CDC45: variants seen among roughly 807,000 people sequenced by gnomAD.
CDC45 encodes cell division cycle 45, also known as cell division control protein 45 homolog.
CDC45 carries 54 observed loss-of-function variants against 77.8 expected under a neutral mutation model. That is an observed-to-expected ratio of 0.69 (90% CI 0.56 to 0.87). The LOEUF (loss-of-function observed/expected upper bound fraction) is 0.87. CDC45 is among the 40% of genes least tolerant of loss of function. The pLI, the probability that CDC45 is intolerant of heterozygous loss-of-function variation, is 0.00. For synonymous variants in CDC45, 260 were observed against 272.1 expected, an observed-to-expected ratio of 0.96 and a Z score of 0.44; for missense variants, 649 against 721.6, an observed-to-expected ratio of 0.90 and a Z score of 1.15.
chr22:19,487,307 A>AG (rs1170668444), intron 5 of CDC45, among the ~76,000 whole-genome samples: 1 of 149,726 alleles, frequency 6.7e-6, no homozygotes, highest in East Asian at 2.0e-4. Context: ...AAAAAAAAAA[A>AG]AAAAGAAATA....
intron 8 of CDC45, among the ~76,000 whole-genome samples, chr22:19,498,878 C>T (rs888795852): frequency 6.6e-6 from 1 of 152,170 alleles, no homozygotes; most frequent in African/African-American, 2.4e-5. Flanking sequence ...CCTAAAGCTC[C>T]CACAGTGGCA....
chr22:19,516,646 G>A lies in CDC45; in HGVS notation c.1559+1G>A, dbSNP rs746826188. On this transcript the variant is annotated splice_donor_variant, in intron 16 of 18. Coordinates refer to ENST00000263201, the MANE Select transcript of CDC45 (RefSeq NM_003504.5). LOFTEE classifies it high-confidence loss of function. The stretch of plus-strand genomic sequence containing the variant: ...AGACCGACAGCTCGGACAGGAAGAA[G>A]TGAGCAGCTTCCACTCGTCCTGGGA... The A allele has an allele frequency of 7.4e-6, 12 of 1,611,332 alleles. No homozygotes were observed. Among genetic ancestry groups the A allele is most frequent in the Non-Finnish European group, 9.3e-6 (11 of 1,177,758 alleles).
intron 6 of CDC45, among the ~76,000 whole-genome samples, 197 bp from the exon 7 acceptor site, chr22:19,495,784 T>G (rs111738408): frequency 4.8e-4 from 73 of 152,276 alleles, no homozygotes; most frequent in African/African-American, 1.6e-3. Flanking sequence ...ATCACACCAC[T>G]GCACTTCAGC....
At chr22:19,510,887 T>G (rs1230635793) in intron 13 of CDC45, among the ~76,000 whole-genome samples, 1 of 152,238 alleles carries the variant, frequency 6.6e-6, no homozygotes, top group African/African-American at 2.4e-5. Flanking sequence ...CATTTATCCA[T>G]TCATAAGTTG....
rs8136840 is a variant in CDC45, at chr22:19,505,169, C to G, written c.705-193C>G. On this transcript the variant is annotated intron_variant, in intron 9 of 18. Coordinates refer to ENST00000263201, the MANE Select transcript of CDC45 (RefSeq NM_003504.5). ...GACAAGGCTAGAGACCACACCCCCC[C>G]GCTCCATCCAATCATGTTTTCCTGG... The G allele has an allele frequency of 0.42, 258,957 of 617,896 alleles. 58,726 individuals are homozygous for G. Among genetic ancestry groups the G allele is most frequent in the Middle Eastern group, 0.48 (1,069 of 2,216 alleles). The allele number at this position is 617,896 out of a possible 1,614,324, so 38.3% of individuals were successfully genotyped here.
chr22:19,511,766 T>G (rs1933526127), intron 13 of CDC45, among the ~76,000 whole-genome samples: 1 of 152,202 alleles, frequency 6.6e-6, no homozygotes, highest in Non-Finnish European at 1.5e-5. Context: ...TGATGACATT[T>G]AAGTTACCTA....
intron 17 of CDC45, among the ~76,000 whole-genome samples, chr22:19,517,659 C>T (rs1450048145): frequency 1.3e-5 from 2 of 152,152 alleles, no homozygotes; most frequent in East Asian, 3.8e-4. Context: ...AGGCCTCTCT[C>T]CTTGGCTCAC....
At chr22:19,506,762 G>A (rs778943712) in intron 10 of CDC45, among the ~76,000 whole-genome samples, 3 of 152,092 alleles carry the variant, frequency 2.0e-5, no homozygotes, top group Non-Finnish European at 2.9e-5. Context: ...GTGAAACCTC[G>A]TTTCTACGAA....
intron 13 of CDC45, among the ~76,000 whole-genome samples, chr22:19,511,918 G>GTTTTTTTTTTTTTTTTTTTTTTTTTTGTT: frequency 9.2e-6 from 1 of 108,730 alleles, no homozygotes; most frequent in Non-Finnish European, 1.9e-5. Flanking sequence ...TTCACTGGAG[G>GTTTTTTTTTTTTTTTTTTTTTTTTTTGTT]TTTTTTTTTT....
chr22:19,502,009 A>T (rs1314949665), intron 9 of CDC45, among the ~76,000 whole-genome samples: 2 of 152,140 alleles, frequency 1.3e-5, no homozygotes, highest in Non-Finnish European at 2.9e-5. Context: ...GAGTTGCCAC[A>T]CCTGGCCTTC....
rs375507586 is a variant in CDC45 at position 19,480,266 on chromosome 22, G to T, written c.111+49G>T. On this transcript the variant is annotated intron_variant, in intron 2 of 18. Coordinates refer to ENST00000263201, the MANE Select transcript of CDC45 (RefSeq NM_003504.5). ...GGCGGGGCCGGCGCGCGAGGTGAGG[G>T]TGCTGCGTGGGGGCGCAGGGCGGGC... The T allele has an allele frequency of 3.9e-6, 6 of 1,554,130 alleles. No homozygotes were observed. In the Admixed American group the frequency reaches 8.4e-5, roughly 22 times the overall value.
At chr22:19,513,848 A>G (rs1933640887) in intron 13 of CDC45, among the ~76,000 whole-genome samples, 1 of 152,198 alleles carries the variant, frequency 6.6e-6, no homozygotes, top group African/African-American at 2.4e-5. Context: ...GCTTCCTGGA[A>G]TGACGATGCT....
chr22:19,499,207 C>T lies in CDC45; in HGVS notation c.704+56C>T. ...CAGCCCTGTGCTGTGGCCAGGTGCACAGCCTGACCATAGCCACTAAGTTTT... is the reference window on the plus strand; with the variant it reads ...CAGCCCTGTGCTGTGGCCAGGTGCATAGCCTGACCATAGCCACTAAGTTTT... On this transcript the variant is annotated intron_variant, in intron 9 of 18. Coordinates refer to ENST00000263201, the MANE Select transcript of CDC45 (RefSeq NM_003504.5). The T allele has an allele frequency of 1.9e-6, 3 of 1,568,984 alleles. No homozygotes were observed. The African/African-American group carries it at 4.1e-5, about 21-fold the overall frequency.
At chr22:19,497,525 C>T (rs1176026226) in intron 8 of CDC45, 78 bp downstream of exon 8, 1 of 1,191,528 alleles carries the variant, frequency 8.4e-7, no homozygotes, top group Non-Finnish European at 1.3e-6. Context: ...TGTCCTCCCA[C>T]AGGGAGGGTG....
chr22:19,485,599 T>C (rs894740040), intron 5 of CDC45, among the ~76,000 whole-genome samples: 1 of 152,218 alleles, frequency 6.6e-6, no homozygotes, highest in Admixed American at 6.5e-5. Context: ...CTTGATGAGA[T>C]ACAGGAAAAT....
chr22:19,490,123 A>AT (rs1474685052), intron 5 of CDC45, among the ~76,000 whole-genome samples: 1 of 152,222 alleles, frequency 6.6e-6, no homozygotes, highest in East Asian at 1.9e-4. Flanking sequence ...TTTGCACGAT[A>AT]TATCTTTTCA....
At chr22:19,503,151 AGT>A (rs1480042490) in intron 9 of CDC45, among the ~76,000 whole-genome samples, 1 of 152,168 alleles carries the variant, frequency 6.6e-6, no homozygotes, top group African/African-American at 2.4e-5. Context: ...TGGGCAACAG[AGT>A]GAGACCCTGT....
Position 19,507,844 on chromosome 22 carries a change from A to C in CDC45, c.1035A>C (p.Glu345Asp). 1 of 1,599,676 alleles carries C rather than the reference A, an allele frequency of 6.3e-7. No individual in the cohort carries two copies. Among genetic ancestry groups the C allele is most frequent in the Non-Finnish European group, 8.5e-7 (1 of 1,175,404 alleles). The part of the protein sequence containing the change: ...SLKENLREMI[E>D]ESANKFGMKD... ...AGGAGAATTTGCGGGAAATGATTGA[A>C]GAGTCTGCAAATAAATTTGGGTAAA... Residue 345 changes from glutamate (E) to aspartate (D), a missense_variant, in exon 12 of 19, where the codon GAA becomes GAC. Glu to Asp is a conservative substitution (Grantham distance 45). Transcript: ENST00000263201.
chr22:19,482,767 A>G lies in CDC45; in HGVS notation c.282A>G (p.Ile94Met), dbSNP rs755271601. ...TTCTTCAACCTGATGAAGACACTATATTCTTTGTGTGTGACACCCATAGGC... is the reference window on the plus strand; with the variant it reads ...TTCTTCAACCTGATGAAGACACTATGTTCTTTGTGTGTGACACCCATAGGC... The part of the protein sequence containing the change: ...LDILQPDEDT[I>M]FFVCDTHRPV... Residue 94 changes from isoleucine to methionine, a missense_variant, in exon 4 of 19, where the codon ATA (isoleucine) becomes ATG (methionine). Ile to Met is a conservative substitution (Grantham distance 10). Transcript: ENST00000263201. 6.2e-7 allele frequency: 1 copy of G among 1,612,506 alleles called. No homozygotes were observed. The highest frequency in any genetic ancestry group is 8.5e-7 in the Non-Finnish European group (1 of 1,178,598).
Sources: allele counts gnomAD v4.1 joint callset (sites outside exome capture counted in the v4.1 genomes callset), GRCh38; gene constraint gnomAD v4.1.1; transcripts MANE v1.5; gene names NCBI Gene and HGNC (gene_info 2026-07-23, HGNC 2026-07-21).